The following USP50 variants were observed in gnomAD, a reference collection of about 807,000 sequenced individuals.
USP50 encodes the protein ubiquitin specific peptidase 50, also known as ubiquitin carboxyl-terminal hydrolase 50.
USP50 carries 37 observed loss-of-function variants against 39.2 expected under a neutral mutation model. That is an observed-to-expected ratio of 0.94 (90% confidence interval 0.73 to 1.24). The LOEUF is 1.24. Among genes scored for constraint, USP50 ranks in the 50% most tolerant of loss-of-function variants. The pLI, the probability that USP50 is intolerant of heterozygous loss-of-function variation, is 0.00. For synonymous variants in USP50, 139 were observed against 144.5 expected (o/e 0.96, Z 0.27); for missense variants, 374 against 398.2 (o/e 0.94, Z 0.52).
chr15:50,525,510 A>G (rs12913698), intron 6 of USP50, among the ~76,000 whole-genome samples: 2 of 126,360 alleles, frequency 1.6e-5, no homozygotes, highest in East Asian at 4.3e-4. Context: ...ATGTGTGTGT[A>G]TATATATGTA....
At chr15:50,528,280 C>CTTTT (rs5812519) in intron 6 of USP50, among the ~76,000 whole-genome samples, 4 of 146,654 alleles carry the variant, frequency 2.7e-5, no homozygotes, top group African/African-American at 7.6e-5. Flanking sequence ...CACATAATTA[C>CTTTT]TTTTTTTTTT....
chr15:50,495,476 T>G (rs2052354989), intron 1 of USP50, among the ~76,000 whole-genome samples: 1 of 126,966 alleles, frequency 7.9e-6, no homozygotes, highest in African/African-American at 3.2e-5. Flanking sequence ...CTTTTTTTAG[T>G]AGAGATTGGA....
intron 6 of USP50, chr15:50,510,069 A>G (rs1343518027): frequency 6.6e-6 from 1 of 152,118 alleles, no homozygotes; most frequent in Non-Finnish European, 1.5e-5. Flanking sequence ...TTAATATTTT[A>G]TAGCTATAAT....
intron 6 of USP50, among the ~76,000 whole-genome samples, chr15:50,517,172 T>C (rs2052810197): frequency 6.6e-6 from 1 of 152,114 alleles, no homozygotes; most frequent in South Asian, 2.1e-4. Flanking sequence ...CAATAAGACT[T>C]TAAAAATGTA....
At chr15:50,541,726 C>T (rs1188156900) in intron 3 of USP50, among the ~76,000 whole-genome samples, 1 of 151,932 alleles carries the variant, frequency 6.6e-6, no homozygotes, top group Non-Finnish European at 1.5e-5. Context: ...AAAACATATA[C>T]CCATGGCCCC....
At chr15:50,501,291 A>G (rs1377207263) in intron 6 of USP50, 13 of 139,044 alleles carry the variant, frequency 9.3e-5, no homozygotes, top group Admixed American at 7.4e-4. Context: ...GAGACTCCAT[A>G]TCTTTTAAAG....
chr15:50,532,225 C>T (rs1340056786), intron 5 of USP50: 5 of 456,156 alleles, frequency 1.1e-5, no homozygotes, highest in Non-Finnish European at 2.2e-5. Flanking sequence ...TCTCCTCATG[C>T]TTCTGGCAAG....
intron 5 of USP50, among the ~76,000 whole-genome samples, chr15:50,537,625 G>A (rs113822933): frequency 1.1e-4 from 17 of 151,666 alleles, no homozygotes; most frequent in African/African-American, 4.1e-4. Flanking sequence ...TTGGGAGACC[G>A]AGGTGGGCAG....
intron 6 of USP50, among the ~76,000 whole-genome samples, chr15:50,523,079 T>C (rs1282086442): frequency 6.6e-6 from 1 of 151,192 alleles, no homozygotes; most frequent in East Asian, 1.9e-4. Context: ...CGATCTTATA[T>C]AGAGAAACCC....
rs1393285577 is a variant in USP50, at chr15:50,500,569, T to TAA, written c.*198_*199dup. On this transcript the variant is annotated 3_prime_UTR_variant, in exon 7 of 7. Transcript: ENST00000532404. ...AAATGTTAATGATGCAAGTAAGTTC[T>TAA]AAGAGTTTAATGACCAAGCAAAACT... 1.9e-6 allele frequency: 1 copy of TAA among 526,882 alleles called. No homozygotes were observed. The highest frequency in any genetic ancestry group is 1.9e-5 in the African/African-American group (1 of 52,374). The allele number at this position is 526,882 out of a possible 1,614,324, so 32.6% of individuals were successfully genotyped here. A position where few individuals can be genotyped will look rare whatever the true frequency, so the allele number is the denominator to read the frequency against.
chr15:50,500,280 C>G (rs2052559411), downstream of USP50: 1 of 153,376 alleles, frequency 6.5e-6, no homozygotes, highest in Non-Finnish European at 1.5e-5. Context: ...ACTCATCGAG[C>G]CATTTGAACA....
intron 6 of USP50, chr15:50,503,950 T>C (rs188311995): frequency 6.6e-6 from 1 of 152,268 alleles, no homozygotes; most frequent in Non-Finnish European, 1.5e-5. Context: ...ATAAAGTATA[T>C]TTAAATATAT....
downstream of USP50, chr15:50,500,067 A>G (rs2052554364): frequency 6.6e-6 from 1 of 152,202 alleles, no homozygotes; most frequent in African/African-American, 2.4e-5. Context: ...GTTGCTATAT[A>G]TATAGTCAGT....
chr15:50,505,668 T>G (rs1566900870), intron 6 of USP50: 1 of 152,082 alleles, frequency 6.6e-6, no homozygotes. Flanking sequence ...TATTAAAAAA[T>G]TAAAAACCGG....
Position 50,538,860 on chromosome 15 carries a change from G to A in USP50, c.661-9C>T, listed in dbSNP as rs1566911392. On this transcript the variant is annotated splice_polypyrimidine_tract_variant and intron_variant, in intron 4 of 6. Transcript: ENST00000532404. ...AAACATTGGAGACAGTCCTGTTAAG[G>A]AAAAAAAGGATTTGGTGACCAAATT... The A allele has an allele frequency of 1.3e-6, 2 of 1,583,420 alleles. No homozygotes were observed. Among genetic ancestry groups the A allele is most frequent in the South Asian group, 2.3e-5 (2 of 85,402 alleles).
chr15:50,496,220 C>T (rs955841728), downstream of USP50: 46 of 673,658 alleles, frequency 6.8e-5, no homozygotes, highest in Non-Finnish European at 1.0e-4. Flanking sequence ...GTGGCTCATA[C>T]CTTGTACTCC....
At chr15:50,504,568 G>C (rs1460459438) in intron 6 of USP50, 1 of 152,092 alleles carries the variant, frequency 6.6e-6, no homozygotes, top group African/African-American at 2.4e-5. Context: ...ATTTTATATA[G>C]GGCCCTTGAG....
intron 1 of USP50, among the ~76,000 whole-genome samples, chr15:50,495,510 C>G (rs2052363537): frequency 6.7e-6 from 1 of 150,218 alleles, no homozygotes; most frequent in Non-Finnish European, 1.5e-5. Context: ...CTATGTTGCA[C>G]AAGTTGGTCT....
intron 3 of USP50, 81 bp from the exon 4 acceptor site, chr15:50,541,345 C>A: frequency 1.6e-6 from 2 of 1,279,374 alleles, no homozygotes; most frequent in East Asian, 2.4e-5. Flanking sequence ...GATCCCATCT[C>A]TACAAAAAAA....
Sources: gnomAD v4.1 joint callset for allele counts (sites outside exome capture counted in the v4.1 genomes callset) on GRCh38, gnomAD v4.1.1 for gene constraint, MANE v1.5 for transcripts, NCBI Gene and HGNC (gene_info 2026-07-23, HGNC 2026-07-21) for gene names.